The following LINGO2 variants were observed in gnomAD, a reference collection of about 807,000 sequenced individuals.
LINGO2 encodes the protein leucine rich repeat and Ig domain containing 2.
Under a neutral mutation model 30.6 loss-of-function variants are expected in LINGO2, and 14 were observed. The observed-to-expected ratio is 0.46, with a 90% CI of 0.30 to 0.72. LINGO2 has a LOEUF of 0.72. LINGO2 is among the 30% of genes least tolerant of loss of function. The pLI is 0.07. For missense variants in LINGO2, 729 were observed against 751.7 expected, an observed-to-expected ratio of 0.97 and a Z score of 0.35; for synonymous variants, 317 against 288.5, an observed-to-expected ratio of 1.10 and a Z score of -1.00.
intron 5 of LINGO2, among the ~76,000 whole-genome samples, chr9:28,010,302 T>C (rs1032339395): frequency 1.3e-5 from 2 of 152,202 alleles, no homozygotes; most frequent in East Asian, 1.9e-4. Context: ...CTGATTTGTA[T>C]GGAGATAGTT....
chr9:28,700,648 A>G, the LINGO2 span, among the ~76,000 whole-genome samples: 1 of 152,018 alleles, frequency 6.6e-6, no homozygotes, highest in Non-Finnish European at 1.5e-5. Context: ...AAGGTTTTCA[A>G]CTCATCTAGG....
chr9:29,081,636 C>T, the LINGO2 span, among the ~76,000 whole-genome samples: 4 of 152,134 alleles, frequency 2.6e-5, no homozygotes, highest in Admixed American at 2.6e-4. Flanking sequence ...AAGAGGAAGT[C>T]AAATTGTCCC....
intron 2 of LINGO2, among the ~76,000 whole-genome samples, chr9:28,465,039 T>C (rs1825240271): frequency 1.3e-5 from 2 of 152,154 alleles, no homozygotes; most frequent in South Asian, 4.1e-4. Flanking sequence ...CATACAGGCC[T>C]GTGGCAGTGT....
intron 1 of LINGO2, among the ~76,000 whole-genome samples, chr9:28,503,260 A>T (rs1819967469): frequency 6.6e-6 from 1 of 152,104 alleles, no homozygotes; most frequent in South Asian, 2.1e-4. Context: ...TAAATACATT[A>T]TAAAAATGCA....
chr9:28,725,356 G>C, the LINGO2 span, among the ~76,000 whole-genome samples: 5,365 of 151,854 alleles, frequency 0.035, 310 homozygotes, highest in African/African-American at 0.12. Flanking sequence ...TGGACATTGA[G>C]TAAACTATGC....
intron 1 of LINGO2, among the ~76,000 whole-genome samples, chr9:28,554,775 AG>A (rs1399554612): frequency 7.7e-6 from 1 of 129,378 alleles, no homozygotes; most frequent in Non-Finnish European, 1.6e-5. Flanking sequence ...CAAATGTAAA[AG>A]AACAGAAATT....
rs115058759 is a variant in LINGO2, at chr9:27,981,402, A to G, written c.-35-30696T>C. Among the ~76,000 whole-genome samples, 949 of 151,566 alleles carry G rather than the reference A, an allele frequency of 6.3e-3. 5 individuals carry two copies. Among genetic ancestry groups the G allele is most frequent in the African/African-American group, 0.021 (880 of 41,408 alleles). On this transcript the variant is annotated intron_variant, in intron 5 of 5. Transcript: ENST00000379992. ...GCGAAACATGAGCTCAAATAGATCT[A>G]GTTTTCTTTGACACTAAAGTTCGTA...
chr9:29,172,858 T>G, the LINGO2 span, among the ~76,000 whole-genome samples: 1 of 152,074 alleles, frequency 6.6e-6, no homozygotes, highest in African/African-American at 2.4e-5. Context: ...TGCTGACATG[T>G]ACAGCCTTAT....
the LINGO2 span, among the ~76,000 whole-genome samples, chr9:28,964,620 A>C: frequency 6.6e-5 from 10 of 152,002 alleles, no homozygotes; most frequent in Non-Finnish European, 1.5e-4. Flanking sequence ...TAAACAGATC[A>C]TTGTAGAGAC....
At chr9:28,420,774 T>A (rs1385728691) in intron 2 of LINGO2, among the ~76,000 whole-genome samples, 1 of 152,070 alleles carries the variant, frequency 6.6e-6, no homozygotes, top group South Asian at 2.1e-4. Context: ...ACCCATAGGT[T>A]TGCACAAAGT....
chr9:28,177,490 C>T lies in LINGO2; in HGVS notation c.-87+117718G>A, dbSNP rs547798595. On this transcript the variant is annotated intron_variant, in intron 4 of 5. Transcript: ENST00000379992. The stretch of plus-strand genomic sequence containing the variant: ...AAATCTGCAATCCACCACTAACCTG[C>T]ATGAACCTCTCTGATCCCCATTATG... Among the ~76,000 whole-genome samples the T allele has an allele frequency of 4.6e-5, 7 of 152,264 alleles. No homozygotes were observed. The East Asian group carries it at 1.2e-3, about 25-fold the overall frequency.
intron 5 of LINGO2, among the ~76,000 whole-genome samples, chr9:27,987,509 C>A (rs535974519): frequency 7.5e-4 from 114 of 151,894 alleles, no homozygotes; most frequent in African/African-American, 2.7e-3. Context: ...ACTGTACCCC[C>A]CAAACAGCTA....
chr9:27,942,832 AAATT>A, the LINGO2 span: 1 of 152,168 alleles, frequency 6.6e-6, no homozygotes, highest in African/African-American at 2.4e-5. Context: ...TAAACAATAG[AAATT>A]AATTATGATT....
At chr9:28,038,949 AC>A (rs1373473360) in intron 4 of LINGO2, among the ~76,000 whole-genome samples, 1 of 152,100 alleles carries the variant, frequency 6.6e-6, no homozygotes, top group East Asian at 1.9e-4. Context: ...TTCCAAATAA[AC>A]CTTCTGAATT....
At chr9:29,098,497 A>G in the LINGO2 span, among the ~76,000 whole-genome samples, 1 of 152,018 alleles carries the variant, frequency 6.6e-6, no homozygotes, top group South Asian at 2.1e-4. Flanking sequence ...ATACACACAC[A>G]TCAATGAGGG....
chr9:29,195,301 T>C, the LINGO2 span, among the ~76,000 whole-genome samples: 1 of 151,992 alleles, frequency 6.6e-6, no homozygotes, highest in African/African-American at 2.4e-5. Flanking sequence ...ATTGTTTCCT[T>C]ATTTTTTGTT....
chr9:28,357,820 A>C (rs1820288411), intron 3 of LINGO2, among the ~76,000 whole-genome samples: 1 of 152,070 alleles, frequency 6.6e-6, no homozygotes, highest in African/African-American at 2.4e-5. Flanking sequence ...AATTCTACAA[A>C]TTTTGTGCAT....
At chr9:28,883,931 G>A in the LINGO2 span, among the ~76,000 whole-genome samples, 1 of 151,122 alleles carries the variant, frequency 6.6e-6, no homozygotes, top group East Asian at 2.0e-4. Context: ...ACTAGCCTCA[G>A]CCTCCCAAAG....
chr9:29,135,162 A>T, the LINGO2 span, among the ~76,000 whole-genome samples: 2 of 152,180 alleles, frequency 1.3e-5, no homozygotes, highest in African/African-American at 2.4e-5. Flanking sequence ...TCATGTATTA[A>T]TTGTTTCAGT....
Sources: allele counts gnomAD v4.1 joint callset (sites outside exome capture counted in the v4.1 genomes callset), GRCh38; gene constraint gnomAD v4.1.1; transcripts MANE v1.5; gene names NCBI Gene and HGNC (gene_info 2026-07-23, HGNC 2026-07-21).